Variants in ASPRV1 observed in about 807,000 individuals in gnomAD.
ASPRV1 encodes the protein retroviral-like aspartic protease 1.
A neutral mutation model predicts 11.0 loss-of-function variants in ASPRV1; 7 were observed. The observed-to-expected ratio is 0.64, with a 90% confidence interval of 0.36 to 1.20. The LOEUF is 1.20. ASPRV1 is among the 50% of genes most tolerant of loss of function. The probability of loss-of-function intolerance (pLI) is 0.02; values close to 1 mark genes in which losing one functional copy is unlikely to be tolerated. For missense variants in ASPRV1, 299 were observed against 320.0 expected (o/e 0.93, Z 0.50); for synonymous variants, 136 against 138.4 (o/e 0.98, Z 0.12).
At chr2:70,047,611 C>T in the ASPRV1 span, among the ~76,000 whole-genome samples, 6 of 152,168 alleles carry the variant, frequency 3.9e-5, no homozygotes, top group African/African-American at 1.4e-4. Flanking sequence ...GGGGGATCCT[C>T]CCCCGACATA....
the ASPRV1 span, among the ~76,000 whole-genome samples, chr2:70,033,145 C>T: frequency 6.6e-6 from 1 of 152,148 alleles, no homozygotes; most frequent in Admixed American, 6.5e-5. Flanking sequence ...GTCCCTTTGG[C>T]TCTGACTCCA....
the ASPRV1 span, among the ~76,000 whole-genome samples, chr2:69,945,112 T>C: frequency 6.6e-6 from 1 of 152,094 alleles, no homozygotes; most frequent in South Asian, 2.1e-4. Flanking sequence ...AAAGGACACG[T>C]AGGCCTGTCG....
At chr2:70,009,156 C>T in the ASPRV1 span, among the ~76,000 whole-genome samples, 46 of 152,214 alleles carry the variant, frequency 3.0e-4, no homozygotes, top group Non-Finnish European at 5.3e-4. Context: ...GTAAACATTT[C>T]CACCAAATAA....
chr2:69,999,758 G>A, the ASPRV1 span, among the ~76,000 whole-genome samples: 1 of 151,782 alleles, frequency 6.6e-6, no homozygotes, highest in Non-Finnish European at 1.5e-5. Flanking sequence ...AATCCCAAAG[G>A]GAATTGTCAC....
the ASPRV1 span, among the ~76,000 whole-genome samples, chr2:70,054,531 C>T: frequency 1.9e-4 from 29 of 151,804 alleles, no homozygotes; most frequent in African/African-American, 6.5e-4. Flanking sequence ...GAGCCGAGAT[C>T]GCGCCACTGC....
the ASPRV1 span, chr2:70,053,710 A>G: frequency 6.6e-6 from 1 of 151,938 alleles, no homozygotes; most frequent in African/African-American, 2.4e-5. Flanking sequence ...TCAGGCCCCA[A>G]TCTGGCTTCA....
At chr2:69,961,722 C>A (rs769488516), upstream of ASPRV1, 26 of 1,516,704 alleles carry the variant, frequency 1.7e-5, no homozygotes, top group Non-Finnish European at 2.2e-5. Context: ...CCCCTCCTCA[C>A]CCCGCCCTCC....
At chr2:69,946,205 G>A in the ASPRV1 span, among the ~76,000 whole-genome samples, 21 of 152,224 alleles carry the variant, frequency 1.4e-4, no homozygotes, top group Non-Finnish European at 1.5e-4. Flanking sequence ...AACCATTGCT[G>A]TGAAGCATTC....
the ASPRV1 span, among the ~76,000 whole-genome samples, chr2:69,995,795 G>T: frequency 6.6e-6 from 1 of 152,152 alleles, no homozygotes; most frequent in Non-Finnish European, 1.5e-5. Context: ...ACTAGACACC[G>T]CCTTCTCATG....
At chr2:70,027,797 T>C in the ASPRV1 span, among the ~76,000 whole-genome samples, 1 of 152,222 alleles carries the variant, frequency 6.6e-6, no homozygotes, top group Non-Finnish European at 1.5e-5. Context: ...TGACTACAGT[T>C]AATAATCTGT....
At chr2:69,980,731 A>G in the ASPRV1 span, among the ~76,000 whole-genome samples, 1 of 152,108 alleles carries the variant, frequency 6.6e-6, no homozygotes, top group African/African-American at 2.4e-5. Context: ...AATTCTCTCT[A>G]CTATCTTTTC....
At chr2:70,010,071 A>C in the ASPRV1 span, among the ~76,000 whole-genome samples, 2 of 152,092 alleles carry the variant, frequency 1.3e-5, no homozygotes, top group African/African-American at 4.8e-5. Context: ...GAGCTGGAGG[A>C]GGGGAAAAGA....
At chr2:69,973,768 G>A in the ASPRV1 span, among the ~76,000 whole-genome samples, 2 of 152,308 alleles carry the variant, frequency 1.3e-5, no homozygotes, top group East Asian at 1.9e-4. Context: ...AATGGCCATT[G>A]GCAAAACATA....
chr2:70,034,063 A>T, the ASPRV1 span, among the ~76,000 whole-genome samples: 1 of 147,268 alleles, frequency 6.8e-6, no homozygotes, highest in Admixed American at 6.8e-5. Flanking sequence ...CTGAGGCAGG[A>T]GAATGGCGTG....
chr2:70,029,877 T>C, the ASPRV1 span: 7 of 152,176 alleles, frequency 4.6e-5, no homozygotes, highest in African/African-American at 1.4e-4. Context: ...GCACAGTGAA[T>C]TGTGAGCTGT....
the ASPRV1 span, chr2:70,075,380 C>T: frequency 1.4e-5 from 2 of 141,688 alleles, no homozygotes; most frequent in South Asian, 4.7e-4. Context: ...CAAGCATGAA[C>T]TCAGGATGGA....
At chr2:69,987,683 G>A in the ASPRV1 span, among the ~76,000 whole-genome samples, 26 of 152,062 alleles carry the variant, frequency 1.7e-4, no homozygotes, top group African/African-American at 6.0e-4. Context: ...CCATGAGTTC[G>A]AGGCTGTAGT....
chr2:70,065,720 G>A, the ASPRV1 span, among the ~76,000 whole-genome samples: 2 of 151,164 alleles, frequency 1.3e-5, no homozygotes, highest in Non-Finnish European at 2.9e-5. Flanking sequence ...AGCTACTGGG[G>A]AGGCTGAGGC....
chr2:70,048,352 T>C, the ASPRV1 span, among the ~76,000 whole-genome samples: 1 of 151,172 alleles, frequency 6.6e-6, no homozygotes, highest in Non-Finnish European at 1.5e-5. Flanking sequence ...GAAGCAAAGG[T>C]TGCAGTGAGC....
Sources: gnomAD v4.1 joint callset for allele counts (sites outside exome capture counted in the v4.1 genomes callset) on GRCh38, gnomAD v4.1.1 for gene constraint, MANE v1.5 for transcripts, NCBI Gene and HGNC (gene_info 2026-07-23, HGNC 2026-07-21) for gene names.